PRMT3: variants seen among roughly 807,000 people sequenced by gnomAD.
PRMT3 encodes protein arginine N-methyltransferase 3.
Under a neutral mutation model 71.9 loss-of-function variants are expected in PRMT3, and 62 were observed. That is an observed-to-expected ratio of 0.86 (90% CI 0.70 to 1.07). The LOEUF is 1.07. PRMT3 is among the 50% of genes least tolerant of loss of function. The pLI, the probability that PRMT3 is intolerant of heterozygous loss-of-function variation, is 0.00. For missense variants in PRMT3, 663 were observed against 643.0 expected, an observed-to-expected ratio of 1.03 and a Z score of -0.34; for synonymous variants, 213 against 220.4, an observed-to-expected ratio of 0.97 and a Z score of 0.30.
intron 13 of PRMT3, among the ~76,000 whole-genome samples, chr11:20,468,184 A>G (rs1276762996): frequency 6.6e-6 from 1 of 152,224 alleles, no homozygotes; most frequent in Non-Finnish European, 1.5e-5. Flanking sequence ...TTTTTTAGAT[A>G]GAGGGAAGAA....
At chr11:20,443,058 G>C (rs1389534080) in intron 10 of PRMT3, among the ~76,000 whole-genome samples, 3 of 152,146 alleles carry the variant, frequency 2.0e-5, no homozygotes, top group Non-Finnish European at 4.4e-5. Flanking sequence ...CCTCAATGCT[G>C]TGTACCATTT....
At chr11:20,422,854 G>T (rs984199056) in intron 9 of PRMT3, among the ~76,000 whole-genome samples, 1 of 152,162 alleles carries the variant, frequency 6.6e-6, no homozygotes, top group African/African-American at 2.4e-5. Flanking sequence ...CAAAGGTACA[G>T]GCAATCAGGG....
chr11:20,432,428 T>A (rs1780578437), intron 10 of PRMT3, among the ~76,000 whole-genome samples: 1 of 152,146 alleles, frequency 6.6e-6, no homozygotes, highest in Admixed American at 6.5e-5. Flanking sequence ...ATATTGTGTA[T>A]ATATGTCACA....
At position 20,461,985 on chromosome 11, in the gene PRMT3, C is replaced by T; in HGVS notation, c.1078C>T (p.Pro360Ser). 1.3e-6 allele frequency: 2 copies of T among 1,570,098 alleles called. No homozygotes were observed. The highest frequency in any genetic ancestry group is 1.7e-6 in the Non-Finnish European group (2 of 1,152,054). Residue 360 changes from proline to serine, a missense_variant, in exon 12 of 16, where the codon CCT becomes TCT. Transcript: ENST00000331079. ...GGGCATTTTGTTTGTTACAGTCTAC[C>T]CTGACATTTGCACTATCAGCCTTGT... ...KYLAKGGSVY[P>S]DICTISLVAV...
At chr11:20,477,814 C>G (rs181711399) in intron 13 of PRMT3, among the ~76,000 whole-genome samples, 4,245 of 122,822 alleles carry the variant, frequency 0.035, 233 homozygotes, top group African/African-American at 0.12. Context: ...CCCCCCCCCC[C>G]ACTTCCTGTT....
At chr11:20,440,351 A>C (rs936367469) in intron 10 of PRMT3, among the ~76,000 whole-genome samples, 1 of 152,002 alleles carries the variant, frequency 6.6e-6, no homozygotes, top group African/African-American at 2.4e-5. Context: ...CGAGATGCTG[A>C]CTCTTAAAAA....
In PRMT3 at chr11:20,388,108, G is replaced by C; in HGVS notation, c.118G>C (p.Asp40His). 1.2e-6 allele frequency: 2 copies of C among 1,614,082 alleles called. No homozygotes were observed. Among genetic ancestry groups the C allele is most frequent in the Non-Finnish European group, 1.7e-6 (2 of 1,180,006 alleles). The stretch of plus-strand genomic sequence containing the variant: ...CGCCTGGGAGGATGAGGACGATGCA[G>C]ATCTCCCCCACGGCAAGCAGCAGAC... ...EAAWEDEDDA[D>H]LPHGKQQTPC... is the part of the protein sequence containing the mutation. The change falls in exon 2 of 16, where the codon GAT (aspartate) becomes CAT (histidine). Residue 40 changes from aspartate (D) to histidine (H), a missense_variant. Transcript: ENST00000331079.
intron 15 of PRMT3, among the ~76,000 whole-genome samples, chr11:20,503,575 C>T (rs1266478944): frequency 1.3e-5 from 2 of 151,886 alleles, no homozygotes; most frequent in African/African-American, 4.8e-5. Context: ...TTAGTATTAC[C>T]TTTTTAGAAT....
At chr11:20,450,175 A>G (rs570257525) in intron 10 of PRMT3, among the ~76,000 whole-genome samples, 3 of 152,300 alleles carry the variant, frequency 2.0e-5, no homozygotes, top group East Asian at 1.9e-4. Context: ...AATGTAGTGA[A>G]TACTTAATTT....
At position 20,389,252 on chromosome 11, in the gene PRMT3, G is replaced by T. The variant is rs368493376; in HGVS notation, c.165-492G>T. Among the ~76,000 whole-genome samples the T allele has an allele frequency of 3.1e-4, 47 of 152,256 alleles. No individual in the cohort carries two copies. The East Asian group carries it at 3.7e-3, about 12-fold the overall frequency. Reference sequence around the variant, plus strand: ...AGTGTCTGTGATGCAAGTACGTTGGGAATACTACAAGATCACTTTTGAAAT... The same window carrying T: ...AGTGTCTGTGATGCAAGTACGTTGGTAATACTACAAGATCACTTTTGAAAT... On this transcript the variant is annotated intron_variant, in intron 2 of 15. Coordinates refer to ENST00000331079, the MANE Select transcript of PRMT3 (RefSeq NM_005788.4).
intron 4 of PRMT3, among the ~76,000 whole-genome samples, chr11:20,392,513 A>C (rs1243684636): frequency 6.6e-6 from 1 of 152,228 alleles, no homozygotes; most frequent in Non-Finnish European, 1.5e-5. Context: ...TTCAGTGTCA[A>C]ATAAAGGGAA....
chr11:20,487,018 C>G (rs1036724334), intron 13 of PRMT3, among the ~76,000 whole-genome samples: 1 of 150,808 alleles, frequency 6.6e-6, no homozygotes, highest in African/African-American at 2.4e-5. Context: ...GATTGCACCT[C>G]TACACTCCAA....
chr11:20,433,903 C>T (rs995059967), intron 10 of PRMT3, among the ~76,000 whole-genome samples: 10 of 152,120 alleles, frequency 6.6e-5, no homozygotes, highest in African/African-American at 1.7e-4. Flanking sequence ...TATAGGCGTG[C>T]ACCACCACAC....
At chr11:20,405,331 A>G (rs1173005017) in intron 8 of PRMT3, 1 of 151,660 alleles carries the variant, frequency 6.6e-6, no homozygotes, top group African/African-American at 2.4e-5. Flanking sequence ...GTTTTTTAAG[A>G]AAAAAAATGA....
chr11:20,449,609 G>C (rs1850104772), intron 10 of PRMT3, among the ~76,000 whole-genome samples: 1 of 151,938 alleles, frequency 6.6e-6, no homozygotes, highest in Admixed American at 6.6e-5. Context: ...TGGTGCTTTG[G>C]GGAAGAATTA....
At chr11:20,480,974 G>T (rs1225521740) in intron 13 of PRMT3, among the ~76,000 whole-genome samples, 2 of 152,080 alleles carry the variant, frequency 1.3e-5, no homozygotes, top group African/African-American at 4.8e-5. Context: ...CAGTTCTGTG[G>T]CCTGTCTTGT....
At chr11:20,461,633 A>G (rs1449495256) in intron 11 of PRMT3, among the ~76,000 whole-genome samples, 1 of 152,180 alleles carries the variant, frequency 6.6e-6, no homozygotes, top group Non-Finnish European at 1.5e-5. Context: ...TTTTTAGAGG[A>G]ATATAGGAAT....
chr11:20,455,043 G>A (rs539474669), intron 11 of PRMT3, among the ~76,000 whole-genome samples: 2 of 152,158 alleles, frequency 1.3e-5, no homozygotes, highest in Non-Finnish European at 2.9e-5. Flanking sequence ...ACTATTTCTA[G>A]CTAATATTTA....
chr11:20,428,562 G>A (rs1384892685), intron 10 of PRMT3, among the ~76,000 whole-genome samples: 3 of 152,218 alleles, frequency 2.0e-5, no homozygotes, highest in Non-Finnish European at 4.4e-5. Flanking sequence ...CTTAGAGCCA[G>A]CTGGTTTAAT....
Sources: allele counts gnomAD v4.1 joint callset (sites outside exome capture counted in the v4.1 genomes callset), GRCh38; gene constraint gnomAD v4.1.1; transcripts MANE v1.5; gene names NCBI Gene and HGNC (gene_info 2026-07-23, HGNC 2026-07-21).